Variants in KIAA0513 observed in about 807,000 individuals in gnomAD.
The protein encoded by KIAA0513 is KIAA0513, also known as uncharacterized protein KIAA0513.
Under a neutral mutation model 56.5 loss-of-function variants are expected in KIAA0513, and 39 were observed. The observed-to-expected ratio is 0.69, with a 90% confidence interval of 0.53 to 0.90. The LOEUF (loss-of-function observed/expected upper bound fraction) is 0.90. Among genes scored for constraint, KIAA0513 ranks in the 40% least tolerant of loss-of-function variants. The pLI is 0.00. For synonymous variants in KIAA0513, 268 were observed against 215.6 expected (o/e 1.24, Z -2.13); for missense variants, 591 against 535.2 (o/e 1.10, Z -1.03).
intron 1 of KIAA0513, among the ~76,000 whole-genome samples, chr16:85,059,401 C>G (rs140403376): frequency 6.3e-4 from 96 of 152,348 alleles, no homozygotes; most frequent in African/African-American, 2.2e-3. Flanking sequence ...TGAGCTGTGC[C>G]TCATGTAGTG....
At chr16:85,041,744 G>A (rs982273833) in intron 1 of KIAA0513, among the ~76,000 whole-genome samples, 3 of 152,282 alleles carry the variant, frequency 2.0e-5, no homozygotes, top group East Asian at 1.9e-4. Flanking sequence ...CAAGCCACCC[G>A]GGGAAGGAGG....
In KIAA0513 at chr16:85,090,406, A is replaced by G. The variant is rs1476415759; in HGVS notation, c.*2081A>G. 1 of 152,208 alleles carries G rather than the reference A, an allele frequency of 6.6e-6. No homozygotes were observed. Among genetic ancestry groups the G allele is most frequent in the Non-Finnish European group, 1.5e-5 (1 of 68,038 alleles). 9.4% of individuals were successfully genotyped at this position (152,208 alleles called of 1,614,324 possible). ...CCACAGGACTTACCCCTGTATGTACAGGATTTTTGTATGAAAGTTTTGTTT... is the reference window on the plus strand; with the variant it reads ...CCACAGGACTTACCCCTGTATGTACGGGATTTTTGTATGAAAGTTTTGTTT... On this transcript the variant is annotated 3_prime_UTR_variant, in exon 13 of 13. Transcript: ENST00000683363.
At chr16:85,085,827 G>A (rs922282425) in intron 10 of KIAA0513, among the ~76,000 whole-genome samples, 5 of 152,218 alleles carry the variant, frequency 3.3e-5, no homozygotes, top group African/African-American at 7.2e-5. Context: ...CAGGGTCCCC[G>A]CCGGCTCCTG....
At chr16:85,039,266 T>C (rs1325933867) in intron 1 of KIAA0513, among the ~76,000 whole-genome samples, 1 of 152,230 alleles carries the variant, frequency 6.6e-6, no homozygotes, top group Non-Finnish European at 1.5e-5. Flanking sequence ...CACTGTTTTA[T>C]GTAGGGACTT....
chr16:85,075,319 AAAGGCAAAGAAACCTAC>A (rs2073640245), intron 4 of KIAA0513, among the ~76,000 whole-genome samples: 1 of 152,216 alleles, frequency 6.6e-6, no homozygotes, highest in Non-Finnish European at 1.5e-5. Context: ...ATCAGGATAG[AAAGGCAAAGAAACCTAC>A]AAGGCAAAGG....
chr16:85,050,327 ATT>A, intron 1 of KIAA0513, among the ~76,000 whole-genome samples: 1 of 1,996 alleles, frequency 5.0e-4, no homozygotes, highest in South Asian at 9.8e-3. Context: ...GTTGATTGAT[ATT>A]TATTTATTTA....
At chr16:85,087,853 A>C (rs1883376216) in intron 12 of KIAA0513, among the ~76,000 whole-genome samples, 1 of 152,302 alleles carries the variant, frequency 6.6e-6, no homozygotes, top group South Asian at 2.1e-4. Context: ...CTGCTGGACG[A>C]CCTCAGAATG....
At chr16:85,064,753 TC>T (rs776337158) in intron 1 of KIAA0513, among the ~76,000 whole-genome samples, 13 of 152,254 alleles carry the variant, frequency 8.5e-5, no homozygotes, top group Non-Finnish European at 1.3e-4. Context: ...TGGCACCATC[TC>T]GGGTCACTGC....
intron 1 of KIAA0513, among the ~76,000 whole-genome samples, chr16:85,050,605 C>G (rs189945660): frequency 6.6e-6 from 1 of 152,150 alleles, no homozygotes; most frequent in Non-Finnish European, 1.5e-5. Context: ...CGTGAGCCGC[C>G]GTGCCCAGCC....
chr16:85,046,304 C>G (rs369463674), intron 1 of KIAA0513, among the ~76,000 whole-genome samples: 26 of 152,220 alleles, frequency 1.7e-4, no homozygotes, highest in African/African-American at 6.3e-4. Flanking sequence ...CTTACCTAAC[C>G]TGGAGTGCTT....
At chr16:85,086,275 C>T (rs1489469147) in intron 10 of KIAA0513, among the ~76,000 whole-genome samples, 1 of 152,240 alleles carries the variant, frequency 6.6e-6, no homozygotes, top group Non-Finnish European at 1.5e-5. Context: ...GGTTTCTCCC[C>T]TGAGGACAGG....
intron 1 of KIAA0513, among the ~76,000 whole-genome samples, chr16:85,059,863 C>A (rs148954576): frequency 6.6e-6 from 1 of 152,182 alleles, no homozygotes; most frequent in Non-Finnish European, 1.5e-5. Flanking sequence ...TGTGATAATC[C>A]TACTGATTAG....
intron 1 of KIAA0513, among the ~76,000 whole-genome samples, chr16:85,039,170 T>C (rs1597591291): frequency 6.6e-6 from 1 of 152,346 alleles, no homozygotes. Flanking sequence ...CTCCTGCTGC[T>C]ATAGAGGTCA....
At chr16:85,066,059 C>T (rs555228508) in intron 1 of KIAA0513, among the ~76,000 whole-genome samples, 18 of 152,210 alleles carry the variant, frequency 1.2e-4, no homozygotes, top group African/African-American at 2.2e-4. Context: ...GTATACTTTA[C>T]GGGTAAACAG....
In KIAA0513 at chr16:85,070,513, AC is replaced by A. The variant is rs1213034117; in HGVS notation, c.330-1269del. Among the ~76,000 whole-genome samples, 18 of 152,266 alleles carry A rather than the reference AC, an allele frequency of 1.2e-4. 1 individual carries two copies. The East Asian group carries it at 3.5e-3, about 29-fold the overall frequency. ...GCCAACATGATGAAACCCCGTCTCT[AC>A]TAAAAACACAAAAATTAGCTGGGCG... is the stretch of plus-strand genomic sequence containing the variant. On this transcript the variant is annotated intron_variant, in intron 2 of 12. Coordinates refer to ENST00000683363, the MANE Select transcript of KIAA0513 (RefSeq NM_001388359.1).
At chr16:85,043,274 C>T (rs1313135969) in intron 1 of KIAA0513, among the ~76,000 whole-genome samples, 1 of 152,120 alleles carries the variant, frequency 6.6e-6, no homozygotes. Context: ...GTTCTCTTAC[C>T]CAGGTACACA....
rs192197805 is a variant in KIAA0513 at position 85,090,710 on chromosome 16, C to T, written c.*2385C>T. ...GACAGAGAAGGTCTCCTCTGTGCTC[C>T]ATCCACACAGGATGCCGGAGAGACA... On this transcript the variant is annotated 3_prime_UTR_variant, in exon 13 of 13. Transcript: ENST00000683363. The T allele has an allele frequency of 5.9e-5, 9 of 152,370 alleles. No individual in the cohort carries two copies. In the East Asian group the frequency reaches 1.2e-3, roughly 20 times the overall value. The allele number at this position is 152,370 out of a possible 1,614,324, so 9.4% of individuals were successfully genotyped here.
intron 1 of KIAA0513, among the ~76,000 whole-genome samples, chr16:85,048,578 C>G (rs1320617221): frequency 6.6e-6 from 1 of 152,000 alleles, no homozygotes; most frequent in Non-Finnish European, 1.5e-5. Flanking sequence ...GATTCTGGCT[C>G]TGTTAAAAGA....
intron 1 of KIAA0513, among the ~76,000 whole-genome samples, chr16:85,036,822 T>C (rs773820807): frequency 2.3e-4 from 35 of 152,194 alleles, no homozygotes; most frequent in Non-Finnish European, 7.3e-5. Flanking sequence ...GTGGTCTCCA[T>C]GTAACACGGG....
Sources: gnomAD v4.1 joint callset for allele counts (sites outside exome capture counted in the v4.1 genomes callset) on GRCh38, gnomAD v4.1.1 for gene constraint, MANE v1.5 for transcripts, NCBI Gene and HGNC (gene_info 2026-07-23, HGNC 2026-07-21) for gene names.